Variants in FAHD1 observed in about 807,000 individuals in gnomAD.
FAHD1 encodes the protein oxaloacetate tautomerase FAHD1, mitochondrial.
A neutral mutation model predicts 12.7 loss-of-function variants in FAHD1; 14 were observed. The observed-to-expected ratio is 1.10, with a 90% confidence interval of 0.73 to 1.72. The LOEUF (loss-of-function observed/expected upper bound fraction) is 1.72, where lower values mean the gene tolerates loss of function less well. Ranked by LOEUF, FAHD1 falls within the 40% of genes most tolerant of loss-of-function variation. The probability of loss-of-function intolerance (pLI) is 0.00; values close to 1 mark genes in which losing one functional copy is unlikely to be tolerated. For synonymous variants in FAHD1, 153 were observed against 124.9 expected, an observed-to-expected ratio of 1.22 and a Z score of -1.50; for missense variants, 351 against 298.9, an observed-to-expected ratio of 1.17 and a Z score of -1.29.
exon 1 of FAHD1, chr16:1,827,925 G>T: frequency 6.2e-7 from 1 of 1,604,688 alleles, no homozygotes; most frequent in Non-Finnish European, 8.5e-7. Context: ...AACAAGTTTC[G>T]AGAGAGAAGG....
downstream of FAHD1, among the ~76,000 whole-genome samples, chr16:1,830,586 A>T (rs1898601301): frequency 6.6e-6 from 1 of 152,220 alleles, no homozygotes; most frequent in Admixed American, 6.5e-5. Context: ...GTGGTAGAAC[A>T]AGCTTTGTCA....
intron 1 of FAHD1, among the ~76,000 whole-genome samples, chr16:1,834,664 G>A (rs2142069942): frequency 6.6e-6 from 1 of 152,362 alleles, no homozygotes; most frequent in East Asian, 1.9e-4. Context: ...CTGGTGCAGT[G>A]GCTCACGCCT....
At chr16:1,827,413 C>T in exon 1 of FAHD1, 1 of 1,610,262 alleles carries the variant, frequency 6.2e-7, no homozygotes, top group Non-Finnish European at 8.5e-7. Flanking sequence ...CATCCTCATG[C>T]CCGCGTACAC....
intron 2 of FAHD1, among the ~76,000 whole-genome samples, chr16:1,838,383 GA>G (rs1567272062): frequency 6.6e-6 from 1 of 152,110 alleles, no homozygotes; most frequent in Non-Finnish European, 1.5e-5. Context: ...TCTCAGCAAG[GA>G]AAAATCCCCT....
intron 1 of FAHD1, chr16:1,837,865 A>G: frequency 6.6e-7 from 1 of 1,510,816 alleles, no homozygotes; most frequent in African/African-American, 1.4e-5. Flanking sequence ...CAAGAAACTC[A>G]TGTACCTGGT....
At chr16:1,828,811 T>G (rs1322772513) in exon 1 of FAHD1, 1 of 997,350 alleles carries the variant, frequency 1.0e-6, no homozygotes, top group South Asian at 4.7e-5. Flanking sequence ...TAATGAAGAT[T>G]TCACCTGTTT....
At position 1,834,352 on chromosome 16, in the gene FAHD1, G is replaced by T; in HGVS notation, c.628-3664G>T. 2 of 1,602,120 alleles carry T rather than the reference G, an allele frequency of 1.2e-6. No individual in the cohort carries two copies. Among genetic ancestry groups the T allele is most frequent in the Non-Finnish European group, 1.7e-6 (2 of 1,170,086 alleles). ...TAATTTTCAATCCACTCCTTGCTCT[G>T]TGTGATAGAACGAACTGCGAGGAGA... On this transcript the variant is annotated intron_variant, in intron 1 of 2. Transcript: ENST00000382666.
chr16:1,836,535 A>G lies in FAHD1; in HGVS notation c.628-1481A>G, dbSNP rs141930143. Among the ~76,000 whole-genome samples, 428 of 147,378 alleles carry G rather than the reference A, an allele frequency of 2.9e-3. 2 individuals are homozygous for G. Among genetic ancestry groups the G allele is most frequent in the African/African-American group, 1.0e-2 (408 of 40,984 alleles). ...CCCATGCTAACTGTTGAAGAGATGC[A>G]GCATCTTACTGCAACTTTACTGCCT... is the stretch of plus-strand genomic sequence containing the variant. On this transcript the variant is annotated intron_variant, in intron 1 of 2. Transcript: ENST00000382666.
intron 1 of FAHD1, chr16:1,837,961 G>C: frequency 6.9e-7 from 1 of 1,446,212 alleles, no homozygotes; most frequent in Non-Finnish European, 9.2e-7. Flanking sequence ...TTTCTCATTA[G>C]AAATGAAATT....
At chr16:1,834,256 T>C in intron 1 of FAHD1, 2 of 1,561,862 alleles carry the variant, frequency 1.3e-6, no homozygotes, top group Non-Finnish European at 1.8e-6. Context: ...ATAGACCGTT[T>C]TAAACATGTT....
chr16:1,827,455 G>T (rs1898505988), exon 1 of FAHD1: 2 of 1,610,730 alleles, frequency 1.2e-6, no homozygotes, highest in South Asian at 2.2e-5. Context: ...GGAGCTGGGC[G>T]TGGTGATGGG....
chr16:1,832,845 G>A (rs908117758), downstream of FAHD1, among the ~76,000 whole-genome samples: 4 of 152,070 alleles, frequency 2.6e-5, no homozygotes, highest in East Asian at 1.9e-4. Flanking sequence ...GAGGATGGAA[G>A]GCCTGTTCTG....
chr16:1,838,024 TCTCA>T lies in FAHD1; in HGVS notation c.640_643del (p.Thr214CysfsTer101). 7.2e-7 allele frequency: 1 copy of T among 1,388,740 alleles called. No individual in the cohort carries two copies. Among genetic ancestry groups the T allele is most frequent in the Non-Finnish European group, 9.6e-7 (1 of 1,044,188 alleles). 86.0% of individuals were successfully genotyped at this position (1,388,740 alleles called of 1,614,324 possible). A position where few individuals can be genotyped will look rare whatever the true frequency, so the allele number is the denominator to read the frequency against. ...TTTGTTTTTGTTTGTAGAGACAGGG[TCTCA>T]CTCTGTCGCCCAAGCTGGAGTGCAG... is the stretch of plus-strand genomic sequence containing the variant. On this transcript the variant is annotated frameshift_variant, in exon 2 of 3. Coordinates refer to the FAHD1 transcript ENST00000382666. LOFTEE classifies it high-confidence loss of function.
At chr16:1,831,716 T>G (rs1157928605), downstream of FAHD1, among the ~76,000 whole-genome samples, 1 of 152,130 alleles carries the variant, frequency 6.6e-6, no homozygotes, top group Admixed American at 6.5e-5. Flanking sequence ...AGCCACACAG[T>G]AGGAGGCAAG....
At chr16:1,838,075 C>T (rs1053642441) in exon 2 of FAHD1, 1 of 914,564 alleles carries the variant, frequency 1.1e-6, no homozygotes, top group Non-Finnish European at 1.6e-6. Flanking sequence ...CAGCTCACTG[C>T]AGCCTCGAAC....
exon 1 of FAHD1, chr16:1,827,717 C>T (rs748279685): frequency 4.3e-6 from 7 of 1,614,140 alleles, no homozygotes; most frequent in Admixed American, 3.3e-5. Flanking sequence ...GGTGAGACAT[C>T]CTCCATGATT....
exon 1 of FAHD1, chr16:1,828,232 G>A (rs1316836806): frequency 2.2e-6 from 2 of 917,992 alleles, no homozygotes; most frequent in Non-Finnish European, 1.3e-6. Flanking sequence ...AGTGAGCTGA[G>A]ATTGCGCCAC....
At chr16:1,827,390 C>G (rs753965151) in exon 1 of FAHD1, 1 of 1,612,030 alleles carries the variant, frequency 6.2e-7, no homozygotes, top group Admixed American at 1.7e-5. Flanking sequence ...GCCTACGCGC[C>G]CGAGGGCTCG....
At chr16:1,831,680 A>C (rs556267497), downstream of FAHD1, among the ~76,000 whole-genome samples, 1 of 152,272 alleles carries the variant, frequency 6.6e-6, no homozygotes, top group South Asian at 2.1e-4. Context: ...ACTGACTGCT[A>C]CCAGCCCGTG....
Sources: gnomAD v4.1 joint callset for allele counts (sites outside exome capture counted in the v4.1 genomes callset) on GRCh38, gnomAD v4.1.1 for gene constraint, MANE v1.5 for transcripts, NCBI Gene and HGNC (gene_info 2026-07-23, HGNC 2026-07-21) for gene names.